Variants in LRRC28 observed in about 807,000 individuals in gnomAD.
LRRC28 encodes leucine-rich repeat-containing protein 28.
Under a neutral mutation model 45.7 loss-of-function variants are expected in LRRC28, and 39 were observed. That is an observed-to-expected ratio of 0.85 (90% CI 0.66 to 1.12). The LOEUF (loss-of-function observed/expected upper bound fraction) is 1.12, where lower values mean the gene tolerates loss of function less well. LRRC28 is among the 50% of genes most tolerant of loss of function. The probability of loss-of-function intolerance (pLI) is 0.00; values close to 1 mark genes in which losing one functional copy is unlikely to be tolerated. For synonymous variants in LRRC28, 206 were observed against 178.8 expected (o/e 1.15, Z -1.22); for missense variants, 435 against 438.5 (o/e 0.99, Z 0.07).
intron 5 of LRRC28, among the ~76,000 whole-genome samples, chr15:99,315,019 C>T (rs1423662869): frequency 6.6e-6 from 1 of 152,042 alleles, no homozygotes; most frequent in Non-Finnish European, 1.5e-5. Flanking sequence ...TGTTATTTGA[C>T]ATCAATTTTT....
chr15:99,342,603 G>A (rs1956552418), intron 6 of LRRC28, among the ~76,000 whole-genome samples: 1 of 152,172 alleles, frequency 6.6e-6, no homozygotes, highest in Non-Finnish European at 1.5e-5. Context: ...GTAAGGAAGT[G>A]TAGGAACTGT....
intron 5 of LRRC28, among the ~76,000 whole-genome samples, chr15:99,300,700 C>T (rs1037292098): frequency 3.3e-5 from 5 of 152,104 alleles, no homozygotes; most frequent in African/African-American, 1.2e-4. Context: ...ATGGTGTGCA[C>T]CTGTAATCCC....
chr15:99,277,773 C>A (rs534963777), intron 3 of LRRC28, among the ~76,000 whole-genome samples: 1 of 150,880 alleles, frequency 6.6e-6, no homozygotes, highest in Non-Finnish European at 1.5e-5. Flanking sequence ...CACATCATGG[C>A]TTTTTCTTTG....
chr15:99,328,639 A>T (rs568622106), intron 5 of LRRC28, among the ~76,000 whole-genome samples: 1 of 150,194 alleles, frequency 6.7e-6, no homozygotes, highest in African/African-American at 2.5e-5. Context: ...AGACTAGCAC[A>T]TGAGTCTGAG....
intron 2 of LRRC28, among the ~76,000 whole-genome samples, chr15:99,264,289 C>T (rs1456946955): frequency 6.6e-6 from 1 of 152,130 alleles, no homozygotes; most frequent in African/African-American, 2.4e-5. Flanking sequence ...CTGCAGGCGA[C>T]TAGAAAGCTA....
chr15:99,288,112 CTT>C (rs368868989), intron 5 of LRRC28, among the ~76,000 whole-genome samples, 161 bp downstream of exon 5: 19 of 152,234 alleles, frequency 1.2e-4, no homozygotes, highest in African/African-American at 4.6e-4. Flanking sequence ...TACTAAGAGT[CTT>C]TTTTGTGATG....
chr15:99,363,847 G>C (rs1363432223), intron 9 of LRRC28, among the ~76,000 whole-genome samples: 1 of 152,092 alleles, frequency 6.6e-6, no homozygotes, highest in Admixed American at 6.6e-5. Context: ...CTAAAGATAG[G>C]CTCTCAAATG....
chr15:99,371,255 G>A (rs928893231), intron 9 of LRRC28, among the ~76,000 whole-genome samples: 3 of 152,184 alleles, frequency 2.0e-5, no homozygotes, highest in African/African-American at 4.8e-5. Flanking sequence ...CCAGCCGGGT[G>A]CTGTGGTAGG....
chr15:99,322,026 A>G (rs1451852902), intron 5 of LRRC28, among the ~76,000 whole-genome samples: 2 of 152,192 alleles, frequency 1.3e-5, no homozygotes, highest in Admixed American at 6.5e-5. Context: ...GAAAGAGTCT[A>G]CGGTTGGGAG....
At chr15:99,261,643 T>C (rs1341520570) in intron 2 of LRRC28, among the ~76,000 whole-genome samples, 2 of 152,020 alleles carry the variant, frequency 1.3e-5, no homozygotes, top group African/African-American at 4.8e-5. Context: ...AATTTTAATT[T>C]TAATCTTAAT....
intron 3 of LRRC28, among the ~76,000 whole-genome samples, chr15:99,281,253 G>A (rs186509930): frequency 1.8e-4 from 27 of 151,918 alleles, no homozygotes; most frequent in African/African-American, 5.5e-4. Context: ...GGCTTTCTGT[G>A]TGTGTTTTTG....
intron 9 of LRRC28, among the ~76,000 whole-genome samples, chr15:99,382,147 G>C (rs1455399510): frequency 6.6e-6 from 1 of 152,248 alleles, no homozygotes; most frequent in Non-Finnish European, 1.5e-5. Context: ...TACAGAGGTA[G>C]GCAGGCCTCC....
intron 6 of LRRC28, among the ~76,000 whole-genome samples, chr15:99,337,198 G>A (rs1000488673): frequency 6.6e-6 from 1 of 152,190 alleles, no homozygotes; most frequent in Non-Finnish European, 1.5e-5. Context: ...TCTTTCAGCA[G>A]TGACAAAAGC....
chr15:99,293,293 G>C (rs1334868691), intron 5 of LRRC28, among the ~76,000 whole-genome samples: 1 of 151,942 alleles, frequency 6.6e-6, no homozygotes, highest in African/African-American at 2.4e-5. Flanking sequence ...TTGCAAGTCA[G>C]TTGTCTGTAA....
At chr15:99,318,441 AAGT>A (rs1955675472) in intron 5 of LRRC28, among the ~76,000 whole-genome samples, 1 of 152,092 alleles carries the variant, frequency 6.6e-6, no homozygotes, top group Non-Finnish European at 1.5e-5. Flanking sequence ...TTTATTATAG[AAGT>A]AGTTCATAGC....
Position 99,387,151 on chromosome 15 carries a change from C to T in LRRC28, c.*1049C>T, listed in dbSNP as rs929780570. On this transcript the variant is annotated 3_prime_UTR_variant, in exon 10 of 10. Transcript: ENST00000301981. ...TCTCGGCTCACTGCAAGCTCCGCCT[C>T]CCGGGTTCACGCCATTCTCCTGCCT... 2.3e-4 allele frequency: 35 copies of T among 150,074 alleles called. No individual in the cohort carries two copies. Among genetic ancestry groups the T allele is most frequent in the African/African-American group, 2.9e-4 (12 of 40,894 alleles). 9.3% of individuals were successfully genotyped at this position (150,074 alleles called of 1,614,324 possible).
chr15:99,258,194 A>T (rs921848596), intron 2 of LRRC28: 7 of 1,612,232 alleles, frequency 4.3e-6, no homozygotes, highest in Non-Finnish European at 5.9e-6. Flanking sequence ...TTCTGAATTG[A>T]TTGGCCAGTT....
intron 3 of LRRC28, among the ~76,000 whole-genome samples, chr15:99,278,475 T>C (rs1378836830): frequency 6.6e-6 from 1 of 152,170 alleles, no homozygotes; most frequent in East Asian, 1.9e-4. Context: ...TTCAAACTCC[T>C]GACCTTGTGA....
At chr15:99,357,543 A>G (rs62023852) in intron 7 of LRRC28, among the ~76,000 whole-genome samples, 22,826 of 152,168 alleles carry the variant, frequency 0.15, 1,756 homozygotes, top group Non-Finnish European at 0.17. Flanking sequence ...AATTTGGAAT[A>G]GTGCTTCCCT....
Sources: gnomAD v4.1 joint callset for allele counts (sites outside exome capture counted in the v4.1 genomes callset) on GRCh38, gnomAD v4.1.1 for gene constraint, MANE v1.5 for transcripts, NCBI Gene and HGNC (gene_info 2026-07-23, HGNC 2026-07-21) for gene names.